SCP2: variants seen among roughly 807,000 people sequenced by gnomAD.
The protein encoded by SCP2 is SCP-2/3-oxoacyl-CoA thiolase.
A neutral mutation model predicts 71.4 loss-of-function variants in SCP2; 48 were observed. That is an observed-to-expected ratio of 0.67 (90% CI 0.53 to 0.86). The LOEUF is 0.86. Ranked by LOEUF, SCP2 falls within the 40% of genes least tolerant of loss-of-function variation. SCP2 has a pLI of 0.00. For missense variants in SCP2, 560 were observed against 655.6 expected (o/e 0.85, Z 1.59); for synonymous variants, 220 against 218.1 (o/e 1.01, Z -0.08).
intron 5 of SCP2, among the ~76,000 whole-genome samples, chr1:52,955,817 A>G (rs572918503): frequency 6.6e-5 from 10 of 152,298 alleles, no homozygotes; most frequent in African/African-American, 2.2e-4. Context: ...GAGAACCGAA[A>G]GGAAGAAGGA....
intron 7 of SCP2, among the ~76,000 whole-genome samples, chr1:52,976,249 A>G (rs1298402130): frequency 6.6e-6 from 1 of 152,048 alleles, no homozygotes; most frequent in Non-Finnish European, 1.5e-5. Flanking sequence ...AGATTAAATC[A>G]CTGGCCACAT....
At chr1:53,023,890 A>T (rs2150239956) in intron 12 of SCP2, among the ~76,000 whole-genome samples, 1 of 152,236 alleles carries the variant, frequency 6.6e-6, no homozygotes, top group South Asian at 2.1e-4. Flanking sequence ...ACTTTGCCTT[A>T]TACTTTGTTG....
At chr1:53,042,266 C>CT (rs897018748) in intron 14 of SCP2, among the ~76,000 whole-genome samples, 287 of 130,062 alleles carry the variant, frequency 2.2e-3, no homozygotes, top group Non-Finnish European at 1.7e-3. Context: ...TAGTAGTGAT[C>CT]TTTTTTTTTT....
At chr1:53,037,973 A>ATCCTGT (rs1663132975) in intron 13 of SCP2, among the ~76,000 whole-genome samples, 1 of 134,906 alleles carries the variant, frequency 7.4e-6, no homozygotes, top group African/African-American at 3.0e-5. Flanking sequence ...ACACACACAC[A>ATCCTGT]CACACACACA....
At chr1:52,947,241 TAAAA>T (rs34249724) in intron 2 of SCP2, among the ~76,000 whole-genome samples, 6 of 54,458 alleles carry the variant, frequency 1.1e-4, no homozygotes, top group African/African-American at 1.5e-4. Flanking sequence ...ATGTTGTCCT[TAAAA>T]AAAAAAAAAA....
At chr1:53,009,384 A>T (rs1660839406) in intron 11 of SCP2, among the ~76,000 whole-genome samples, 1 of 152,232 alleles carries the variant, frequency 6.6e-6, no homozygotes, top group African/African-American at 2.4e-5. Flanking sequence ...CTATACTACA[A>T]GGCTACAGTA....
Position 52,939,296 on chromosome 1 carries a change from A to G in SCP2, c.70-2500A>G, listed in dbSNP as rs376957880. On this transcript the variant is annotated intron_variant, in intron 1 of 15. Coordinates refer to ENST00000371514, the MANE Select transcript of SCP2 (RefSeq NM_002979.5). Reference sequence around the variant, plus strand: ...CATAGTGGCTCGTGACTGTAATCCCAGCACTTTGAGAGGCTGAGGCAGGAG... The same window carrying G: ...CATAGTGGCTCGTGACTGTAATCCCGGCACTTTGAGAGGCTGAGGCAGGAG... Among the ~76,000 whole-genome samples, 17 of 152,328 alleles carry G rather than the reference A, an allele frequency of 1.1e-4. 1 individual carries two copies. The highest frequency in any genetic ancestry group is 4.1e-4 in the African/African-American group (17 of 41,574).
At chr1:52,985,581 G>A (rs992438509) in intron 10 of SCP2, among the ~76,000 whole-genome samples, 3 of 152,164 alleles carry the variant, frequency 2.0e-5, no homozygotes, top group African/African-American at 7.2e-5. Context: ...AGAATGTGCA[G>A]CAAATCAGTT....
chr1:52,994,959 A>C, intron 11 of SCP2: 1 of 516,884 alleles, frequency 1.9e-6, no homozygotes, highest in South Asian at 1.5e-5. Context: ...CTGCTAGCTC[A>C]GGCCCTTTTG....
rs1658654208 is a variant in SCP2 at position 52,982,815 on chromosome 1, C to T, written c.973+2272C>T. Among the ~76,000 whole-genome samples the T allele has an allele frequency of 2.0e-5, 3 of 152,242 alleles. No homozygotes were observed. The South Asian group carries it at 6.2e-4, about 32-fold the overall frequency. On this transcript the variant is annotated intron_variant, in intron 10 of 15. Transcript: ENST00000371514. ...CCAATATATAATATTATAAGTTTTG[C>T]TTTCAACAGTCATACACTTAGATGT...
intron 1 of SCP2, among the ~76,000 whole-genome samples, chr1:52,930,202 A>G (rs1449885727): frequency 1.3e-5 from 2 of 152,178 alleles, no homozygotes; most frequent in Non-Finnish European, 2.9e-5. Context: ...TTCATGAAAT[A>G]CATCTTACAT....
chr1:52,950,905 G>A lies in SCP2; in HGVS notation c.331+19G>A, dbSNP rs776292033. 6.2e-7 allele frequency: 1 copy of A among 1,612,222 alleles called. No homozygotes were observed. Among genetic ancestry groups the A allele is most frequent in the Middle Eastern group, 1.7e-4 (1 of 6,054 alleles). ...CAGGGTGGTAAGGAGTGCTTGTCTA[G>A]TGTACTTAAATATTGCCCCATTTTA... is the stretch of plus-strand genomic sequence containing the variant. On this transcript the variant is annotated intron_variant, in intron 4 of 15. Coordinates refer to ENST00000371514, the MANE Select transcript of SCP2 (RefSeq NM_002979.5).
At chr1:52,943,183 A>G (rs1465491711) in intron 2 of SCP2, among the ~76,000 whole-genome samples, 1 of 150,982 alleles carries the variant, frequency 6.6e-6, no homozygotes, top group East Asian at 1.9e-4. Context: ...AGAACAGAAT[A>G]TTTTTGTTTT....
At chr1:53,003,080 A>G (rs916042024) in intron 11 of SCP2, among the ~76,000 whole-genome samples, 10 of 152,168 alleles carry the variant, frequency 6.6e-5, no homozygotes, top group Admixed American at 2.0e-4. Context: ...TACCACTGCA[A>G]TGTGAGGAGA....
chr1:52,927,326 T>C lies in SCP2; in HGVS notation c.-71T>C, dbSNP rs1652507946. The C allele has an allele frequency of 6.7e-6, 9 of 1,339,352 alleles. No homozygotes were observed. The highest frequency in any genetic ancestry group is 1.4e-5 in the African/African-American group (1 of 69,248). The allele number at this position is 1,339,352 out of a possible 1,614,324, so 83.0% of individuals were successfully genotyped here. Reference sequence around the variant, plus strand: ...CCTGGCTTCGGGCTTCAGGGAGCTCTGGTGCAGTCTCCGCCTGTCAGTGCC... The same window carrying C: ...CCTGGCTTCGGGCTTCAGGGAGCTCCGGTGCAGTCTCCGCCTGTCAGTGCC... On this transcript the variant is annotated 5_prime_UTR_variant, in exon 1 of 16. Transcript: ENST00000371514.
intron 6 of SCP2, among the ~76,000 whole-genome samples, chr1:52,967,979 G>GTA (rs766463621): frequency 3.9e-5 from 6 of 152,092 alleles, no homozygotes; most frequent in Non-Finnish European, 8.8e-5. Context: ...GCCTCCAGTG[G>GTA]TATACTGAGT....
chr1:52,974,577 C>T (rs945098738), intron 6 of SCP2, among the ~76,000 whole-genome samples, 192 bp from the exon 7 acceptor site: 2 of 152,180 alleles, frequency 1.3e-5, no homozygotes, highest in South Asian at 4.1e-4. Context: ...TGATTCAGTT[C>T]GTTAATTAGG....
At chr1:52,955,356 A>T (rs1281105127) in intron 5 of SCP2, among the ~76,000 whole-genome samples, 1 of 152,162 alleles carries the variant, frequency 6.6e-6, no homozygotes, top group Non-Finnish European at 1.5e-5. Flanking sequence ...ATGAAAGGGG[A>T]AATAGTCAAA....
chr1:52,997,953 A>T (rs954897484), intron 11 of SCP2, among the ~76,000 whole-genome samples: 32 of 152,306 alleles, frequency 2.1e-4, no homozygotes, highest in Non-Finnish European at 4.3e-4. Flanking sequence ...CTCGTGATAG[A>T]TTAGTTTTGC....
Sources: gnomAD v4.1 joint callset for allele counts (sites outside exome capture counted in the v4.1 genomes callset) on GRCh38, gnomAD v4.1.1 for gene constraint, MANE v1.5 for transcripts, NCBI Gene and HGNC (gene_info 2026-07-23, HGNC 2026-07-21) for gene names.